FGF14: variants seen among roughly 807,000 people sequenced by gnomAD.
The protein encoded by FGF14 is fibroblast growth factor homologous factor 4.
A neutral mutation model predicts 25.5 loss-of-function variants in FGF14; 5 were observed. The observed-to-expected ratio is 0.20, with a 90% CI of 0.10 to 0.41. The LOEUF is 0.41. Ranked by LOEUF, FGF14 falls within the 10% of genes least tolerant of loss-of-function variation. The pLI, the probability that FGF14 is intolerant of heterozygous loss-of-function variation, is 1.00. For missense variants in FGF14, 222 were observed against 320.1 expected, an observed-to-expected ratio of 0.69 and a Z score of 2.34; for synonymous variants, 138 against 118.3, an observed-to-expected ratio of 1.17 and a Z score of -1.08.
At chr13:101,988,081 TA>T (rs1173432671) in intron 1 of FGF14, among the ~76,000 whole-genome samples, 1 of 152,022 alleles carries the variant, frequency 6.6e-6, no homozygotes, top group Non-Finnish European at 1.5e-5. Context: ...GAAAATACAA[TA>T]ATTTAGTTTT....
intron 1 of FGF14, among the ~76,000 whole-genome samples, chr13:101,954,836 G>T (rs926880873): frequency 1.3e-5 from 2 of 152,240 alleles, no homozygotes; most frequent in Admixed American, 6.5e-5. Context: ...AAGGAAATCA[G>T]TATTGGAAGT....
intron 1 of FGF14, among the ~76,000 whole-genome samples, chr13:102,152,778 T>C (rs181539172): frequency 2.0e-5 from 3 of 152,182 alleles, no homozygotes; most frequent in Non-Finnish European, 4.4e-5. Flanking sequence ...AACACTGCAT[T>C]TTATTCTTAG....
intron 1 of FGF14, among the ~76,000 whole-genome samples, chr13:102,236,145 C>T (rs527950770): frequency 1.3e-5 from 2 of 152,276 alleles, no homozygotes; most frequent in East Asian, 3.9e-4. Flanking sequence ...TGCGTCCCTC[C>T]TCTTGCTTTG....
At chr13:101,957,733 T>C (rs1456975398) in intron 1 of FGF14, among the ~76,000 whole-genome samples, 1 of 152,230 alleles carries the variant, frequency 6.6e-6, no homozygotes, top group African/African-American at 2.4e-5. Flanking sequence ...TAGGCAATCT[T>C]TATCCATTTA....
intron 1 of FGF14, among the ~76,000 whole-genome samples, chr13:102,387,509 T>C (rs536395649): frequency 1.3e-5 from 2 of 152,180 alleles, no homozygotes; most frequent in South Asian, 4.2e-4. Flanking sequence ...TATATCCAAA[T>C]AGCCTATGAC....
intron 1 of FGF14, among the ~76,000 whole-genome samples, chr13:102,087,743 C>A (rs1208552387): frequency 6.6e-6 from 1 of 152,014 alleles, no homozygotes; most frequent in Non-Finnish European, 1.5e-5. Flanking sequence ...ATTCTTAACA[C>A]AGAGCCTAGC....
At chr13:102,310,514 G>A (rs570367984) in intron 1 of FGF14, among the ~76,000 whole-genome samples, 50 of 152,170 alleles carry the variant, frequency 3.3e-4, no homozygotes, top group Admixed American at 1.3e-4. Context: ...AGTATGAGCT[G>A]AGCTTCCATA....
chr13:102,260,011 A>T (rs563564073), intron 1 of FGF14, among the ~76,000 whole-genome samples: 1 of 152,218 alleles, frequency 6.6e-6, no homozygotes, highest in Admixed American at 6.5e-5. Flanking sequence ...CATAATGTAC[A>T]TGTTGGTTAA....
At chr13:102,023,583 T>A (rs1029088373) in intron 1 of FGF14, among the ~76,000 whole-genome samples, 1 of 152,048 alleles carries the variant, frequency 6.6e-6, no homozygotes, top group African/African-American at 2.4e-5. Flanking sequence ...ACACACTCAT[T>A]ATCAATCATT....
At chr13:102,201,058 G>A (rs533585892) in intron 1 of FGF14, among the ~76,000 whole-genome samples, 6 of 130,444 alleles carry the variant, frequency 4.6e-5, no homozygotes, top group Admixed American at 9.4e-5. Flanking sequence ...CTGAGATCGC[G>A]CCACTGCACT....
intron 1 of FGF14, among the ~76,000 whole-genome samples, chr13:102,291,630 A>G (rs891929225): frequency 2.0e-5 from 3 of 152,206 alleles, no homozygotes; most frequent in African/African-American, 7.2e-5. Flanking sequence ...ACACAATACC[A>G]TACTGTGGGG....
intron 1 of FGF14, among the ~76,000 whole-genome samples, chr13:101,959,375 G>C (rs1405283026): frequency 6.6e-6 from 1 of 151,366 alleles, no homozygotes; most frequent in African/African-American, 2.4e-5. Flanking sequence ...CTCTCTCGCT[G>C]CAATGTGTAG....
intron 1 of FGF14, among the ~76,000 whole-genome samples, chr13:102,038,822 T>A (rs368998281): frequency 1.3e-5 from 2 of 152,276 alleles, no homozygotes; most frequent in East Asian, 3.9e-4. Context: ...TTTTATTTAT[T>A]AATACTTGAT....
chr13:102,167,806 T>C (rs1380144576), intron 1 of FGF14, among the ~76,000 whole-genome samples: 1 of 152,064 alleles, frequency 6.6e-6, no homozygotes, highest in Non-Finnish European at 1.5e-5. Flanking sequence ...TTTTTTTTTT[T>C]TTTAAGAAAT....
At chr13:102,384,727 T>G (rs930922711) in intron 1 of FGF14, among the ~76,000 whole-genome samples, 1 of 152,208 alleles carries the variant, frequency 6.6e-6, no homozygotes, top group African/African-American at 2.4e-5. Context: ...GTCTACATAT[T>G]TTATTTACTG....
At chr13:102,044,257 C>A (rs2041876190) in intron 1 of FGF14, among the ~76,000 whole-genome samples, 1 of 152,140 alleles carries the variant, frequency 6.6e-6, no homozygotes. Context: ...CAGGTACTCT[C>A]CTCCTCCTGG....
rs1441032096 is a variant in FGF14, at chr13:101,715,640, T to C, written c.*7191A>G. On this transcript the variant is annotated 3_prime_UTR_variant, in exon 5 of 5. Transcript: ENST00000376143. ...AAATGCATGTGAAATCTGGCTTGGCTCAGAATATCCTTAACAATTACATGA... is the reference window on the plus strand; with the variant it reads ...AAATGCATGTGAAATCTGGCTTGGCCCAGAATATCCTTAACAATTACATGA... 12 of 1,609,806 alleles carry C rather than the reference T, an allele frequency of 7.5e-6. No homozygotes were observed. The highest frequency in any genetic ancestry group is 1.0e-5 in the Non-Finnish European group (12 of 1,176,348).
intron 1 of FGF14, among the ~76,000 whole-genome samples, chr13:101,897,478 G>C (rs898097019): frequency 4.6e-5 from 7 of 152,148 alleles, no homozygotes; most frequent in African/African-American, 1.7e-4. Flanking sequence ...TCCAGTCTTT[G>C]CAGGGTGCTT....
At chr13:101,819,932 A>C (rs1378229156) in intron 3 of FGF14, among the ~76,000 whole-genome samples, 1 of 152,180 alleles carries the variant, frequency 6.6e-6, no homozygotes, top group East Asian at 1.9e-4. Flanking sequence ...GTAATTAGAA[A>C]AAAGGATGGT....
Sources: gnomAD v4.1 joint callset for allele counts (sites outside exome capture counted in the v4.1 genomes callset) on GRCh38, gnomAD v4.1.1 for gene constraint, MANE v1.5 for transcripts, NCBI Gene and HGNC (gene_info 2026-07-23, HGNC 2026-07-21) for gene names.